ALKBH3: variants seen among roughly 807,000 people sequenced by gnomAD.
ALKBH3 encodes the protein alpha-ketoglutarate-dependent dioxygenase alkB homolog 3.
In ALKBH3, 51 loss-of-function variants were observed where a neutral mutation model predicts 43.9. The ratio of observed to expected loss-of-function variants is 1.16; its 90% CI spans 0.93 to 1.47. ALKBH3 has a LOEUF of 1.47. Ranked by LOEUF, ALKBH3 falls within the 40% of genes most tolerant of loss-of-function variation. The pLI, the probability that ALKBH3 is intolerant of heterozygous loss-of-function variation, is 0.00. For missense variants in ALKBH3, 361 were observed against 351.9 expected (o/e 1.03, Z -0.21); for synonymous variants, 102 against 115.2 (o/e 0.89, Z 0.73).
chr11:43,904,185 G>A (rs1951881226), intron 8 of ALKBH3, among the ~76,000 whole-genome samples: 1 of 152,192 alleles, frequency 6.6e-6, no homozygotes, highest in Admixed American at 6.5e-5. Context: ...CCACATAATT[G>A]TCTGCCAGTG....
At chr11:43,903,696 G>A (rs1003943236) in intron 8 of ALKBH3, among the ~76,000 whole-genome samples, 15 of 152,112 alleles carry the variant, frequency 9.9e-5, no homozygotes, top group African/African-American at 3.1e-4. Flanking sequence ...CAGTATTTAA[G>A]TATTCAGTTA....
intron 4 of ALKBH3, among the ~76,000 whole-genome samples, chr11:43,885,423 A>G (rs544923457): frequency 6.6e-6 from 1 of 152,236 alleles, no homozygotes; most frequent in African/African-American, 2.4e-5. Flanking sequence ...CTATGCCTAC[A>G]TTTTGGCTGA....
intron 8 of ALKBH3, among the ~76,000 whole-genome samples, chr11:43,913,425 G>C (rs1390170070): frequency 6.6e-6 from 1 of 151,944 alleles, no homozygotes; most frequent in African/African-American, 2.4e-5. Flanking sequence ...AGTGATAATG[G>C]CCTCTAAGAT....
At chr11:43,902,407 G>A (rs1040064736) in intron 8 of ALKBH3, among the ~76,000 whole-genome samples, 12 of 152,026 alleles carry the variant, frequency 7.9e-5, no homozygotes, top group Admixed American at 3.9e-4. Context: ...GGAATACTAG[G>A]GTTATTAATT....
chr11:43,889,722 C>G lies in ALKBH3; in HGVS notation c.267-3C>G. 6.2e-7 allele frequency: 1 copy of G among 1,613,558 alleles called. No individual in the cohort carries two copies. The highest frequency in any genetic ancestry group is 1.3e-5 in the African/African-American group (1 of 75,026). ...TGGTTAACAATGTTCATTCTGCACC[C>G]AGGGTCTGTTTGTATCCTGGCTTTG... On this transcript the variant is annotated splice_region_variant and splice_polypyrimidine_tract_variant and intron_variant, in intron 5 of 9. Transcript: ENST00000302708.
intron 8 of ALKBH3, among the ~76,000 whole-genome samples, chr11:43,906,984 A>G (rs1951900213): frequency 6.6e-6 from 1 of 152,200 alleles, no homozygotes. Flanking sequence ...TGTAAATGGT[A>G]GATGCTATGG....
At chr11:43,887,496 G>C (rs530468344) in intron 5 of ALKBH3, among the ~76,000 whole-genome samples, 249 of 151,970 alleles carry the variant, frequency 1.6e-3, no homozygotes, top group African/African-American at 5.6e-3. Flanking sequence ...TTTTAATAGA[G>C]ATGGGGTTTC....
At chr11:43,901,792 A>T (rs999313748) in intron 8 of ALKBH3, 67 bp downstream of exon 8, 1 of 1,537,534 alleles carries the variant, frequency 6.5e-7, no homozygotes, top group Non-Finnish European at 8.9e-7. Context: ...TAGAACTCCT[A>T]AAAGCTTCTA....
At chr11:43,904,539 GA>G (rs1486573779) in intron 8 of ALKBH3, among the ~76,000 whole-genome samples, 9 of 152,248 alleles carry the variant, frequency 5.9e-5, no homozygotes, top group Non-Finnish European at 1.3e-4. Flanking sequence ...GTGTAAACAG[GA>G]TACAAGTTTA....
chr11:43,883,394 GTTA>G (rs1951725248), intron 3 of ALKBH3, among the ~76,000 whole-genome samples: 1 of 152,184 alleles, frequency 6.6e-6, no homozygotes, highest in African/African-American at 2.4e-5. Context: ...ATGGTCACAT[GTTA>G]TTCCCGTATT....
rs1041938742 is a variant in ALKBH3 at position 43,919,856 on chromosome 11, C to T, written c.769-62C>T. ...GCATTCTCATGAATAAGTTTTAAGT[C>T]GCTTTGAACTAAAAGTGTGTATGTG... On this transcript the variant is annotated intron_variant, in intron 9 of 9. Transcript: ENST00000302708. The T allele has an allele frequency of 3.8e-5, 54 of 1,429,980 alleles. No individual in the cohort carries two copies. In the Admixed American group the frequency reaches 5.8e-4, roughly 15 times the overall value. 88.6% of individuals were successfully genotyped at this position (1,429,980 alleles called of 1,614,324 possible). A position where few individuals can be genotyped will look rare whatever the true frequency, so the allele number is the denominator to read the frequency against.
At chr11:43,919,242 C>T (rs930977537) in intron 9 of ALKBH3, 106 bp downstream of exon 9, 26 of 950,316 alleles carry the variant, frequency 2.7e-5, no homozygotes, top group African/African-American at 1.3e-4. Context: ...GCTTTTACAA[C>T]GAGCAAGAGG....
intron 8 of ALKBH3, among the ~76,000 whole-genome samples, chr11:43,915,921 G>A (rs1012994646): frequency 3.3e-5 from 5 of 152,174 alleles, no homozygotes; most frequent in African/African-American, 1.2e-4. Context: ...TTAACAGGAA[G>A]ACCACATAAA....
rs1326682256 is a variant in ALKBH3, at chr11:43,919,060, A to T, written c.692A>T (p.Tyr231Phe). ...TAGGAAGAGAATGGAGACTACACAT[A>T]TGTGGAAAGAGTGAAGATACCCTTG... Reference protein sequence around the residue: ...PPPEENGDYTYVERVKIPLDH... With the variant: ...PPPEENGDYTFVERVKIPLDH... Residue 231 changes from tyrosine (Y) to phenylalanine (F), a missense_variant, in exon 9 of 10, where the codon TAT becomes TTT. Transcript: ENST00000302708. The T allele has an allele frequency of 1.2e-6, 2 of 1,610,940 alleles. No individual in the cohort carries two copies. Among genetic ancestry groups the T allele is most frequent in the South Asian group, 1.1e-5 (1 of 90,992 alleles).
rs749327613 is a variant in ALKBH3, at chr11:43,919,142, G to A, written c.768+6G>A. On this transcript the variant is annotated splice_donor_region_variant and intron_variant, in intron 9 of 9. Transcript: ENST00000302708. ...CGACACAAGCTGACTGGCAGGTGAG[G>A]ATCTGCAAGTAATATGAATCTGCTT... The A allele has an allele frequency of 3.7e-5, 59 of 1,603,376 alleles. No homozygotes were observed. The highest frequency in any genetic ancestry group is 5.0e-5 in the Non-Finnish European group (59 of 1,170,534).
rs765475491 is a variant in ALKBH3 at position 43,901,698 on chromosome 11, A to G, written c.642A>G (p.Thr214=). Residue 214 remains threonine, a synonymous_variant, in exon 8 of 10, where the codon ACA becomes ACG. Coordinates refer to ENST00000302708, the MANE Select transcript of ALKBH3 (RefSeq NM_139178.4). ...IASLSFGATR[T]FEMRKKPPPE... is the part of the protein sequence containing the mutation. ...CACTAAGTTTTGGTGCCACACGCACATTTGAGATGAGAAAGAAGCCACCAC... is the reference window on the plus strand; with the variant it reads ...CACTAAGTTTTGGTGCCACACGCACGTTTGAGATGAGAAAGAAGCCACCAC... 29 of 1,614,146 alleles carry G rather than the reference A, an allele frequency of 1.8e-5. No homozygotes were observed. Among genetic ancestry groups the G allele is most frequent in the Non-Finnish European group, 2.3e-5 (27 of 1,180,052 alleles).
chr11:43,915,520 AT>A (rs995902428), intron 8 of ALKBH3, among the ~76,000 whole-genome samples: 1 of 152,136 alleles, frequency 6.6e-6, no homozygotes, highest in Non-Finnish European at 1.5e-5. Context: ...GCAGCTTTTT[AT>A]TTATTTTCCC....
At chr11:43,905,422 G>T (rs1469939855) in intron 8 of ALKBH3, among the ~76,000 whole-genome samples, 8 of 151,484 alleles carry the variant, frequency 5.3e-5, no homozygotes, top group Non-Finnish European at 1.2e-4. Context: ...CTCCTCCAAG[G>T]TGCCGGTTTT....
Position 43,920,175 on chromosome 11 carries a change from G to A in ALKBH3, c.*165G>A. 1.6e-6 allele frequency: 1 copy of A among 614,716 alleles called. No homozygotes were observed. Among genetic ancestry groups the A allele is most frequent in the Non-Finnish European group, 2.9e-6 (1 of 348,992 alleles). 38.1% of individuals were successfully genotyped at this position (614,716 alleles called of 1,614,324 possible). ...TATTAAATGAAAGCCAGCAACTCAT[G>A]TTGGTAATAGGTCTACTGTGGGAAC... On this transcript the variant is annotated 3_prime_UTR_variant, in exon 10 of 10. Transcript: ENST00000302708.
Sources: allele counts gnomAD v4.1 joint callset (sites outside exome capture counted in the v4.1 genomes callset), GRCh38; gene constraint gnomAD v4.1.1; transcripts MANE v1.5; gene names NCBI Gene and HGNC (gene_info 2026-07-23, HGNC 2026-07-21).